SVOPL: variants seen among roughly 807,000 people sequenced by gnomAD.
The protein encoded by SVOPL is putative transporter SVOPL.
A neutral mutation model predicts 61.0 loss-of-function variants in SVOPL; 60 were observed. The observed-to-expected ratio is 0.98, with a 90% CI of 0.80 to 1.22. SVOPL has a LOEUF of 1.22. Ranked by LOEUF, SVOPL falls within the 50% of genes most tolerant of loss-of-function variation. The pLI is 0.00. For synonymous variants in SVOPL, 279 were observed against 250.0 expected (o/e 1.12, Z -1.09); for missense variants, 662 against 643.9 (o/e 1.03, Z -0.30).
Position 138,693,679 on chromosome 7 carries a change from G to A in SVOPL, c.-35+7499C>T, listed in dbSNP as rs563890130. Among the ~76,000 whole-genome samples the A allele has an allele frequency of 3.3e-5, 5 of 151,916 alleles. No homozygotes were observed. In the South Asian group the frequency reaches 1.0e-3, roughly 32 times the overall value. On this transcript the variant is annotated intron_variant, in intron 1 of 15. Transcript: ENST00000674285. ...AAAGAGAGAGGGAGGGAGGGAGCGA[G>A]GAAGGAAAGAAGGAAGGAAGGGAGG...
rs1227755322 is a variant in SVOPL, at chr7:138,663,080, G to T, written c.339C>A (p.Arg113=). Residue 113 remains arginine (R), a synonymous_variant, in exon 5 of 16, where the codon CGC becomes CGA. Coordinates refer to ENST00000674285, the MANE Select transcript of SVOPL (RefSeq NM_001139456.2). ...ACTGTGAGGCCCCACCTACCTTCCA[G>T]CGGCCATATCTGTCAGCCAGGAGGC... ...LFGLLADRYG[R]WKILLISFLW... is the part of the protein sequence containing the mutation. The T allele has an allele frequency of 6.2e-7, 1 of 1,614,122 alleles. No homozygotes were observed. Among genetic ancestry groups the T allele is most frequent in the South Asian group, 1.1e-5 (1 of 91,066 alleles).
At chr7:138,675,778 C>A (rs950037884) in intron 3 of SVOPL, among the ~76,000 whole-genome samples, 11 of 152,070 alleles carry the variant, frequency 7.2e-5, no homozygotes, top group Admixed American at 3.3e-4. Context: ...TGAGTGGACC[C>A]CATATCTTTG....
chr7:138,648,892 A>G (rs1299512914), intron 8 of SVOPL, 120 bp downstream of exon 8: 1 of 1,474,322 alleles, frequency 6.8e-7, no homozygotes, highest in African/African-American at 1.4e-5. Context: ...TCTGCACTGC[A>G]GCCTGGACAA....
At chr7:138,687,796 A>C (rs1014067079) in intron 1 of SVOPL, among the ~76,000 whole-genome samples, 4 of 151,498 alleles carry the variant, frequency 2.6e-5, no homozygotes, top group Admixed American at 6.6e-5. Context: ...CGATAATAAA[A>C]AGAAAATCTA....
At chr7:138,614,973 C>T (rs1563090226) in intron 14 of SVOPL, among the ~76,000 whole-genome samples, 1 of 152,118 alleles carries the variant, frequency 6.6e-6, no homozygotes, top group Non-Finnish European at 1.5e-5. Flanking sequence ...GGTTGCATTA[C>T]CCAAATCACA....
At chr7:138,680,222 T>C (rs1802669325) in intron 1 of SVOPL, among the ~76,000 whole-genome samples, 1 of 148,752 alleles carries the variant, frequency 6.7e-6, no homozygotes, top group Non-Finnish European at 1.5e-5. Context: ...CAGACTGGAG[T>C]GCAGTGGCAC....
intron 3 of SVOPL, among the ~76,000 whole-genome samples, chr7:138,675,385 G>C (rs1382901138): frequency 6.6e-6 from 1 of 151,982 alleles, no homozygotes; most frequent in Non-Finnish European, 1.5e-5. Flanking sequence ...ACTGAGTCTT[G>C]CTGTGTTGCC....
At chr7:138,649,932 A>G (rs1801335749) in intron 7 of SVOPL, among the ~76,000 whole-genome samples, 1 of 152,106 alleles carries the variant, frequency 6.6e-6, no homozygotes, top group African/African-American at 2.4e-5. Flanking sequence ...CCCGGGTTCA[A>G]GCAATTCTCC....
chr7:138,659,428 G>T (rs2117071081), intron 6 of SVOPL, among the ~76,000 whole-genome samples: 1 of 151,900 alleles, frequency 6.6e-6, no homozygotes, highest in South Asian at 2.1e-4. Flanking sequence ...GGAGGCGGAG[G>T]TTGCAGTGAA....
At chr7:138,696,831 A>C (rs906054725) in intron 1 of SVOPL, among the ~76,000 whole-genome samples, 1 of 152,154 alleles carries the variant, frequency 6.6e-6, no homozygotes, top group African/African-American at 2.4e-5. Context: ...AGTCTCCCAG[A>C]GTGCTGGGAC....
intron 14 of SVOPL, among the ~76,000 whole-genome samples, chr7:138,617,704 C>T (rs1434819957): frequency 1.3e-5 from 2 of 152,152 alleles, no homozygotes; most frequent in African/African-American, 4.8e-5. Flanking sequence ...GGCATGGTGG[C>T]ACATGCCTGT....
chr7:138,697,138 C>T (rs950972191), intron 1 of SVOPL, among the ~76,000 whole-genome samples: 1 of 152,114 alleles, frequency 6.6e-6, no homozygotes, highest in South Asian at 2.1e-4. Flanking sequence ...TGGGATGCCA[C>T]GGTGGAAGGA....
chr7:138,649,168 C>A (rs1410545220), intron 7 of SVOPL, 31 bp from the exon 8 acceptor site: 9 of 1,547,878 alleles, frequency 5.8e-6, no homozygotes, highest in East Asian at 2.3e-5. Context: ...GATTAAAGTT[C>A]TTTGGGGAAT....
intron 12 of SVOPL, among the ~76,000 whole-genome samples, chr7:138,626,623 G>A (rs1468175441): frequency 1.3e-5 from 2 of 152,024 alleles, no homozygotes; most frequent in Non-Finnish European, 2.9e-5. Flanking sequence ...GAACTCCTGG[G>A]CTCAAATGAT....
At chr7:138,618,830 T>C (rs1253642018) in intron 14 of SVOPL, among the ~76,000 whole-genome samples, 1 of 150,886 alleles carries the variant, frequency 6.6e-6, no homozygotes, top group African/African-American at 2.4e-5. Context: ...AAAATGAAAA[T>C]AAATGAAGGG....
rs779984291 is a variant in SVOPL, at chr7:138,698,335, G to A, written c.-35+2843C>T. Among the ~76,000 whole-genome samples the A allele has an allele frequency of 2.0e-5, 3 of 152,168 alleles. No homozygotes were observed. The South Asian group carries it at 6.2e-4, about 31-fold the overall frequency. On this transcript the variant is annotated intron_variant, in intron 1 of 15. Coordinates refer to ENST00000674285, the MANE Select transcript of SVOPL (RefSeq NM_001139456.2). The stretch of plus-strand genomic sequence containing the variant: ...AGGGTTTCCCTTGTACCTTGCTGGT[G>A]GCAGTGGCCACTGAGATGCAGGTGA...
At chr7:138,668,062 A>G (rs1802317390) in intron 4 of SVOPL, among the ~76,000 whole-genome samples, 1 of 152,086 alleles carries the variant, frequency 6.6e-6, no homozygotes, top group South Asian at 2.1e-4. Flanking sequence ...TGCTTGAGAT[A>G]TTTTGCAGAT....
At chr7:138,648,616 G>A (rs1289281562) in intron 8 of SVOPL, among the ~76,000 whole-genome samples, 1 of 151,940 alleles carries the variant, frequency 6.6e-6, no homozygotes, top group Admixed American at 6.6e-5. Flanking sequence ...TCTGAGGCAG[G>A]AGAATGGCGT....
chr7:138,621,012 ACTCT>A, intron 14 of SVOPL, 30 bp downstream of exon 14: 4 of 1,588,278 alleles, frequency 2.5e-6, no homozygotes, highest in Middle Eastern at 3.3e-4. Context: ...CCTCTCTCAG[ACTCT>A]CTCTCTCCCT....
Sources: gnomAD v4.1 joint callset for allele counts (sites outside exome capture counted in the v4.1 genomes callset) on GRCh38, gnomAD v4.1.1 for gene constraint, MANE v1.5 for transcripts, NCBI Gene and HGNC (gene_info 2026-07-23, HGNC 2026-07-21) for gene names.